Variants in COL7A1 observed in about 807,000 individuals in gnomAD.
COL7A1 encodes collagen type VII alpha 1 chain.
A neutral mutation model predicts 456.2 loss-of-function variants in COL7A1; 296 were observed. The observed-to-expected ratio is 0.65, with a 90% CI of 0.59 to 0.71. The LOEUF (loss-of-function observed/expected upper bound fraction) is 0.71. Ranked by LOEUF, COL7A1 falls within the 30% of genes least tolerant of loss-of-function variation. The pLI is 0.00. For synonymous variants in COL7A1, 1,464 were observed against 1,525.9 expected (o/e 0.96, Z 0.95); for missense variants, 3,441 against 4,017.2 (o/e 0.86, Z 3.88).
chr3:48,583,976 G>A lies in COL7A1; in HGVS notation c.4225-23C>T. 1 of 1,613,822 alleles carries A rather than the reference G, an allele frequency of 6.2e-7. No individual in the cohort carries two copies. Among genetic ancestry groups the A allele is most frequent in the South Asian group, 1.1e-5 (1 of 91,080 alleles). On this transcript the variant is annotated intron_variant, in intron 38 of 118. Coordinates refer to ENST00000681320, the MANE Select transcript of COL7A1 (RefSeq NM_000094.4). This position sits in a 1 kb window ranked among gnomAD's most constrained non-coding sequence, Gnocchi z 5.1. Reference sequence around the variant, plus strand: ...ACCCTGGGAGAGAACAGCAGGTCAGGGAATGAACAGGGGAATCAGACTCCA... The same window carrying A: ...ACCCTGGGAGAGAACAGCAGGTCAGAGAATGAACAGGGGAATCAGACTCCA...
Position 48,592,605 on chromosome 3 carries a change from C to T in COL7A1, c.941G>A (p.Ser314Asn). 1 of 1,614,056 alleles carries T rather than the reference C, an allele frequency of 6.2e-7. No homozygotes were observed. The highest frequency in any genetic ancestry group is 1.1e-5 in the South Asian group (1 of 91,082). The change falls in exon 8 of 119, where the codon AGC becomes AAC. Residue 314 changes from serine (S) to asparagine (N), a missense_variant. This residue lies in a region of COL7A1 where 913 missense variants were observed against 1,088.2 expected (regional missense o/e 0.84). Coordinates refer to ENST00000681320, the MANE Select transcript of COL7A1 (RefSeq NM_000094.4). The surrounding 1 kb of genome is among the most constrained non-coding windows in gnomAD (Gnocchi z 7.6). The part of the protein sequence containing the change: ...QVTVIALYAN[S>N]IGEAVSGTAR... Reference sequence around the variant, plus strand: ...TGTCCCGCTCACAGCCTCCCCGATGCTGTTGGCGTAGAGGGCAATCACAGT... The same window carrying T: ...TGTCCCGCTCACAGCCTCCCCGATGTTGTTGGCGTAGAGGGCAATCACAGT...
In COL7A1 at chr3:48,574,957, T is replaced by A; in HGVS notation, c.6280-92A>T. Reference sequence around the variant, plus strand: ...CTCAGGATCACAGAGGGTTATAGGGTCAGAAATTCCAGGGTTATGGCACAC... The same window carrying A: ...CTCAGGATCACAGAGGGTTATAGGGACAGAAATTCCAGGGTTATGGCACAC... On this transcript the variant is annotated intron_variant, in intron 76 of 118. Coordinates refer to ENST00000681320, the MANE Select transcript of COL7A1 (RefSeq NM_000094.4). The surrounding 1 kb of genome is among the most constrained non-coding windows in gnomAD (Gnocchi z 5.0). The A allele has an allele frequency of 6.3e-7, 1 of 1,580,848 alleles. No homozygotes were observed. The highest frequency in any genetic ancestry group is 1.7e-5 in the Admixed American group (1 of 58,468).
Position 48,574,289 on chromosome 3 carries a change from A to C in COL7A1, c.6474T>G (p.Arg2158=). 2 of 1,613,884 alleles carry C rather than the reference A, an allele frequency of 1.2e-6. No individual in the cohort carries two copies. Among genetic ancestry groups the C allele is most frequent in the Non-Finnish European group, 1.7e-6 (2 of 1,179,974 alleles). ...QDGNPGLPGE[R]GMAGPEGKPG... is the part of the protein sequence containing the mutation. ...GCTTCCCTTCAGGCCCAGCCATACC[A>C]CGCTCTCCTGGTAGACCCTGCAGAG... The change falls in exon 80 of 119, where the codon CGT becomes CGG. Residue 2158 remains arginine (R), a synonymous_variant. Transcript: ENST00000681320. This position sits in a 1 kb window ranked among gnomAD's most constrained non-coding sequence, Gnocchi z 5.0.
chr3:48,589,298 T>C, intron 18 of COL7A1, 29 bp downstream of exon 18: 2 of 1,611,376 alleles, frequency 1.2e-6, no homozygotes, highest in Middle Eastern at 2.0e-4. Flanking sequence ...TAATGCGGTG[T>C]GGCTAGTAGC....
chr3:48,579,130 G>A lies in COL7A1; in HGVS notation c.5388+67C>T, dbSNP rs1575450293. 1 of 1,578,582 alleles carries A rather than the reference G, an allele frequency of 6.3e-7. No homozygotes were observed. Among genetic ancestry groups the A allele is most frequent in the African/African-American group, 1.3e-5 (1 of 74,300 alleles). On this transcript the variant is annotated intron_variant, in intron 62 of 118. Coordinates refer to ENST00000681320, the MANE Select transcript of COL7A1 (RefSeq NM_000094.4). This position sits in a 1 kb window ranked among gnomAD's most constrained non-coding sequence, Gnocchi z 4.4. The stretch of plus-strand genomic sequence containing the variant: ...AAGGCCAAGACCAACCAATGAGGCT[G>A]GGGTCTAGGGTCCTCATGTGAAGGG...
In COL7A1 at chr3:48,585,239, G is replaced by T. The variant is rs1204822182; in HGVS notation, c.3895-123C>A. ...CACTGACCCCCAAGTGTTATTGGGG[G>T]TGGAACAGTGAGGCAGAGAAATGGC... On this transcript the variant is annotated intron_variant, in intron 32 of 118. Coordinates refer to ENST00000681320, the MANE Select transcript of COL7A1 (RefSeq NM_000094.4). The surrounding 1 kb of genome is among the most constrained non-coding windows in gnomAD (Gnocchi z 4.5). 1.0e-6 allele frequency: 1 copy of T among 968,210 alleles called. No individual in the cohort carries two copies. Among genetic ancestry groups the T allele is most frequent in the Non-Finnish European group, 1.6e-6 (1 of 638,286 alleles). The allele number at this position is 968,210 out of a possible 1,614,324, so 60.0% of individuals were successfully genotyped here.
At position 48,578,330 on chromosome 3, in the gene COL7A1, A is replaced by T. The variant is rs1247929677; in HGVS notation, c.5523T>A (p.Asn1841Lys). The change falls in exon 65 of 119, where the codon AAT (asparagine) becomes AAA (lysine). Residue 1841 changes from asparagine (N) to lysine (K), a missense_variant. Coordinates refer to ENST00000681320, the MANE Select transcript of COL7A1 (RefSeq NM_000094.4). This position sits in a 1 kb window ranked among gnomAD's most constrained non-coding sequence, Gnocchi z 4.7. ...CCCTGGACACACTCACGTTTTTTCC[A>T]TTCAGGCCAGGTTTGCCATCCTCGC... The part of the protein sequence containing the change: ...KPGEDGKPGL[N>K]GKNGEPGDPG... The T allele has an allele frequency of 1.2e-6, 2 of 1,612,528 alleles. No individual in the cohort carries two copies. Among genetic ancestry groups the T allele is most frequent in the African/African-American group, 2.7e-5 (2 of 74,854 alleles).
Position 48,580,593 on chromosome 3 carries a change from C to T in COL7A1, c.5040G>A (p.Glu1680=), listed in dbSNP as rs1262994988. 1 of 1,613,886 alleles carries T rather than the reference C, an allele frequency of 6.2e-7. No individual in the cohort carries two copies. Among genetic ancestry groups the T allele is most frequent in the Non-Finnish European group, 8.5e-7 (1 of 1,179,932 alleles). The change falls in exon 55 of 119, where the codon GAG becomes GAA. Residue 1680 remains glutamate, a synonymous_variant. Coordinates refer to ENST00000681320, the MANE Select transcript of COL7A1 (RefSeq NM_000094.4). This position sits in a 1 kb window ranked among gnomAD's most constrained non-coding sequence, Gnocchi z 4.5. ...GGCTGGGACTCACATTTCGTCCATC[C>T]TCTCCAGGATCTCCCTGGTCTCCCT... is the stretch of plus-strand genomic sequence containing the variant. ...GEKGDQGDPG[E]DGRNGSPGSS...
Position 48,583,219 on chromosome 3 carries a change from CG to C in COL7A1, c.4438-49del. The C allele has an allele frequency of 6.2e-7, 1 of 1,610,074 alleles. No individual in the cohort carries two copies. The highest frequency in any genetic ancestry group is 1.3e-5 in the African/African-American group (1 of 74,834). Reference sequence around the variant, plus strand: ...AGACAGAGAGAGAGAGGGTTGGTGGCGGGGCTTGAACGTCAAACCCCAGACA... The same window carrying C: ...AGACAGAGAGAGAGAGGGTTGGTGGCGGGCTTGAACGTCAAACCCCAGACA... On this transcript the variant is annotated intron_variant, in intron 42 of 118. Transcript: ENST00000681320. The surrounding 1 kb of genome is among the most constrained non-coding windows in gnomAD (Gnocchi z 5.1).
In COL7A1 at chr3:48,592,086, T is replaced by A. The variant is rs1428047486; in HGVS notation, c.1240+16A>T. ...CCTGCCCGTCCCAGCCTGAAGAAAG[T>A]GCCCAGCCTTCTCACCAGTGCGAGC... On this transcript the variant is annotated intron_variant, in intron 10 of 118. Transcript: ENST00000681320. This position sits in a 1 kb window ranked among gnomAD's most constrained non-coding sequence, Gnocchi z 7.6. The A allele has an allele frequency of 6.2e-7, 1 of 1,614,106 alleles. No individual in the cohort carries two copies. The highest frequency in any genetic ancestry group is 8.5e-7 in the Non-Finnish European group (1 of 1,179,998).
rs536772651 is a variant in COL7A1 at position 48,590,175 on chromosome 3, T to C, written c.2050+38A>G. On this transcript the variant is annotated intron_variant, in intron 16 of 118. Coordinates refer to ENST00000681320, the MANE Select transcript of COL7A1 (RefSeq NM_000094.4). The surrounding 1 kb of genome is among the most constrained non-coding windows in gnomAD (Gnocchi z 4.6). The stretch of plus-strand genomic sequence containing the variant: ...AAGGCATGGGGGTCTGAAAGAGCAA[T>C]GGAGGCAGAGAGCCAAGGGACGGGG... 8.7e-5 allele frequency: 140 copies of C among 1,605,216 alleles called. No individual in the cohort carries two copies. In the South Asian group the frequency reaches 1.4e-3, roughly 16 times the overall value.
chr3:48,583,946 G>A lies in COL7A1; in HGVS notation c.4232C>T (p.Pro1411Leu). 2 of 1,614,028 alleles carry A rather than the reference G, an allele frequency of 1.2e-6. No homozygotes were observed. Among genetic ancestry groups the A allele is most frequent in the Non-Finnish European group, 1.7e-6 (2 of 1,179,996 alleles). Residue 1411 changes from proline to leucine, a missense_variant, in exon 39 of 119, where the codon CCT becomes CTT. By Grantham distance (98) the Pro-to-Leu change is moderately conservative. This residue lies in a region of COL7A1 where 2,084 missense variants were observed against 2,501.3 expected (regional missense o/e 0.83). Transcript: ENST00000681320. This position sits in a 1 kb window ranked among gnomAD's most constrained non-coding sequence, Gnocchi z 5.1. Reference sequence around the variant, plus strand: ...AGCAATGCCACCTTCACCTGGTCCAGGGGGACCCTGGGAGAGAACAGCAGG... The same window carrying A: ...AGCAATGCCACCTTCACCTGGTCCAAGGGGACCCTGGGAGAGAACAGCAGG... ...DKGDRGERGP[P>L]GPGEGGIAPG...
At position 48,568,312 on chromosome 3, in the gene COL7A1, G is replaced by T; in HGVS notation, c.7795-142C>A. The T allele has an allele frequency of 9.0e-7, 1 of 1,117,022 alleles. No homozygotes were observed. The highest frequency in any genetic ancestry group is 1.5e-5 in the African/African-American group (1 of 65,164). 69.2% of individuals were successfully genotyped at this position (1,117,022 alleles called of 1,614,324 possible). ...CCACTGGGGCTTGCCATGGGGACAAGGGTCACCATAGGCAGGGGACACCAT... is the reference window on the plus strand; with the variant it reads ...CCACTGGGGCTTGCCATGGGGACAATGGTCACCATAGGCAGGGGACACCAT... On this transcript the variant is annotated intron_variant, in intron 105 of 118. Transcript: ENST00000681320. The surrounding 1 kb of genome is among the most constrained non-coding windows in gnomAD (Gnocchi z 5.2).
At position 48,575,492 on chromosome 3, in the gene COL7A1, TC is replaced by T; in HGVS notation, c.6026del (p.Gly2009GlufsTer197). On this transcript the variant is annotated frameshift_variant, in exon 74 of 119. Coordinates refer to ENST00000681320, the MANE Select transcript of COL7A1 (RefSeq NM_000094.4). LOFTEE classifies it high-confidence loss of function. The surrounding 1 kb of genome is among the most constrained non-coding windows in gnomAD (Gnocchi z 6.3). ...PGERGLKGDR[G>X]DPGPQGPPGL... ...CAGGTGGCCCCTGAGGGCCAGGGTCTCCACGGTCGCCCTTCAGCCCGCGTTC... is the reference window on the plus strand; with the variant it reads ...CAGGTGGCCCCTGAGGGCCAGGGTCTCACGGTCGCCCTTCAGCCCGCGTTC... The T allele has an allele frequency of 6.2e-7, 1 of 1,612,300 alleles. No individual in the cohort carries two copies. The highest frequency in any genetic ancestry group is 8.5e-7 in the Non-Finnish European group (1 of 1,179,730).
At position 48,583,640 on chromosome 3, in the gene COL7A1, A is replaced by T. The variant is rs369087760; in HGVS notation, c.4342-25T>A. On this transcript the variant is annotated intron_variant, in intron 40 of 118. Transcript: ENST00000681320. The surrounding 1 kb of genome is among the most constrained non-coding windows in gnomAD (Gnocchi z 5.1). ...CCTGAAGGAGAAACACACGGGTGGG[A>T]AGACCGAAGGGAGGCCCTGCCCCCA... 2.5e-5 allele frequency: 41 copies of T among 1,613,954 alleles called. No homozygotes were observed. The African/African-American group carries it at 5.3e-4, about 21-fold the overall frequency.
rs2044491224 is a variant in COL7A1 at position 48,578,565 on chromosome 3, G to C, written c.5425-50C>G. 5 of 1,596,058 alleles carry C rather than the reference G, an allele frequency of 3.1e-6. No homozygotes were observed. In the East Asian group the frequency reaches 1.1e-4, roughly 36 times the overall value. Reference sequence around the variant, plus strand: ...TATAGGGCCTCTGAGATATCCCTTGGGGCACACCCCATGGACTAAGAGGAC... The same window carrying C: ...TATAGGGCCTCTGAGATATCCCTTGCGGCACACCCCATGGACTAAGAGGAC... On this transcript the variant is annotated intron_variant, in intron 63 of 118. Transcript: ENST00000681320. This position sits in a 1 kb window ranked among gnomAD's most constrained non-coding sequence, Gnocchi z 4.7.
At position 48,589,472 on chromosome 3, in the gene COL7A1, T is replaced by C. The variant is rs1158674229; in HGVS notation, c.2171-2A>G. 2.5e-6 allele frequency: 4 copies of C among 1,613,586 alleles called. No homozygotes were observed. The South Asian group carries it at 4.4e-5, about 18-fold the overall frequency. On this transcript the variant is annotated splice_acceptor_variant, in intron 17 of 118. Coordinates refer to ENST00000681320, the MANE Select transcript of COL7A1 (RefSeq NM_000094.4). LOFTEE classifies it high-confidence loss of function. ...AAACCAACTGGGATTTCTCTGGGCC[T>C]GGGAACAGGGATGGAGGCAGCTCCA...
rs1351958298 is a variant in COL7A1 at position 48,586,992 on chromosome 3, G to A, written c.3256C>T (p.Leu1086Phe). Residue 1086 changes from leucine (L) to phenylalanine (F), a missense_variant, in exon 25 of 119, where the codon CTT becomes TTT. Around this residue, in one of 3 missense-constraint regions of COL7A1, gnomAD observed 444 missense variants for 427.6 expected, o/e 1.04. Coordinates refer to ENST00000681320, the MANE Select transcript of COL7A1 (RefSeq NM_000094.4). This position sits in a 1 kb window ranked among gnomAD's most constrained non-coding sequence, Gnocchi z 5.1. ...LERLVLALGPLGPQAVQVGLL... is the reference protein window; with the variant it reads ...LERLVLALGPFGPQAVQVGLL... ...CAAACCTGAACTGCCTGTGGCCCAA[G>A]AGGCCCAAGTGCCAACACCAGACGC... 3.8e-6 allele frequency: 6 copies of A among 1,598,262 alleles called. No homozygotes were observed. The highest frequency in any genetic ancestry group is 5.1e-6 in the Non-Finnish European group (6 of 1,172,692).
In COL7A1 at chr3:48,564,286, GACGTGCACACGCACGCTC is replaced by G. The variant is rs1196317831; in HGVS notation, c.*102_*119del. The G allele has an allele frequency of 1.1e-5, 13 of 1,233,078 alleles. No individual in the cohort carries two copies. The highest frequency in any genetic ancestry group is 1.0e-4 in the African/African-American group (7 of 67,278). 76.4% of individuals were successfully genotyped at this position (1,233,078 alleles called of 1,614,324 possible). A position where few individuals can be genotyped will look rare whatever the true frequency, so the allele number is the denominator to read the frequency against. ...ACGGGACCAAGTCACTGAAATAACG[GACGTGCACACGCACGCTC>G]ACGTGCACACAAGCCTCTAGCACCA... On this transcript the variant is annotated 3_prime_UTR_variant, in exon 119 of 119. Transcript: ENST00000681320. This position sits in a 1 kb window ranked among gnomAD's most constrained non-coding sequence, Gnocchi z 6.0.
Sources: gnomAD v4.1 joint callset for allele counts on GRCh38, gnomAD v4.1.1 for gene constraint, gnomAD v4.1.1 regional missense constraint, Gnocchi (gnomAD v3.1) non-coding constraint, MANE v1.5 for transcripts, NCBI Gene and HGNC (gene_info 2026-07-23, HGNC 2026-07-21) for gene names.